PODXL2: variants seen among roughly 807,000 people sequenced by gnomAD.
PODXL2 encodes the protein podocalyxin like 2.
In PODXL2, 17 loss-of-function variants were observed where a neutral mutation model predicts 53.4. That is an observed-to-expected ratio of 0.32 (90% CI 0.22 to 0.48). The LOEUF (loss-of-function observed/expected upper bound fraction) is 0.48, where lower values mean the gene tolerates loss of function less well. Ranked by LOEUF, PODXL2 falls within the 20% of genes least tolerant of loss-of-function variation. PODXL2 has a pLI of 0.99. For missense variants in PODXL2, 673 were observed against 760.0 expected, an observed-to-expected ratio of 0.89 and a Z score of 1.35; for synonymous variants, 311 against 306.7, an observed-to-expected ratio of 1.01 and a Z score of -0.15.
chr3:127,632,258 C>T lies in PODXL2; in HGVS notation c.70+2969C>T, dbSNP rs868648751. On this transcript the variant is annotated intron_variant, in intron 1 of 7. Transcript: ENST00000342480. ...CCGAGGAGCCAGAGTAGGGTGTAGA[C>T]GGCAGCAGCCTCCCCGCCTGCCATG... Among the ~76,000 whole-genome samples the T allele has an allele frequency of 3.3e-5, 5 of 152,112 alleles. No homozygotes were observed. In the East Asian group the frequency reaches 5.8e-4, roughly 18 times the overall value.
Position 127,672,553 on chromosome 3 carries a change from C to G in PODXL2, c.*73C>G. On this transcript the variant is annotated 3_prime_UTR_variant, in exon 8 of 8. Transcript: ENST00000342480. ...GGACCCCGAAACGGACGGCCCGGAGCCCGCACCAGCCCCGCGCCTACCCGG... is the reference window on the plus strand; with the variant it reads ...GGACCCCGAAACGGACGGCCCGGAGGCCGCACCAGCCCCGCGCCTACCCGG... The G allele has an allele frequency of 2.0e-6, 2 of 992,536 alleles. No homozygotes were observed. Among genetic ancestry groups the G allele is most frequent in the Non-Finnish European group, 2.8e-6 (2 of 719,696 alleles). The allele number at this position is 992,536 out of a possible 1,614,324, so 61.5% of individuals were successfully genotyped here.
intron 2 of PODXL2, among the ~76,000 whole-genome samples, chr3:127,644,634 G>A (rs1236792631): frequency 2.0e-5 from 3 of 152,106 alleles, no homozygotes; most frequent in Admixed American, 6.5e-5. Flanking sequence ...TTCAGTTCAT[G>A]TCTCTTCCTC....
At chr3:127,667,952 G>A (rs568871509) in intron 4 of PODXL2, among the ~76,000 whole-genome samples, 2 of 152,282 alleles carry the variant, frequency 1.3e-5, no homozygotes, top group East Asian at 3.9e-4. Context: ...GTTACATGGT[G>A]CACACCTCTT....
At position 127,660,939 on chromosome 3, in the gene PODXL2, C is replaced by A; in HGVS notation, c.911C>A (p.Pro304Gln). ...AGLSGQHEEVPALPSFPQTTA... is the reference protein window; with the variant it reads ...AGLSGQHEEVQALPSFPQTTA... ...TTGTCTGGCCAGCACGAGGAGGTGC[C>A]GGCCTTGCCTTCATTCCCTCAAACC... The change falls in exon 3 of 8, where the codon CCG (proline) becomes CAG (glutamine). Residue 304 changes from proline to glutamine, a missense_variant. Coordinates refer to ENST00000342480, the MANE Select transcript of PODXL2 (RefSeq NM_015720.4). 6.2e-7 allele frequency: 1 copy of A among 1,614,222 alleles called. No individual in the cohort carries two copies. The highest frequency in any genetic ancestry group is 1.3e-5 in the African/African-American group (1 of 75,060).
chr3:127,652,348 CA>C (rs1203243372), intron 2 of PODXL2, among the ~76,000 whole-genome samples: 8 of 152,194 alleles, frequency 5.3e-5, no homozygotes, highest in East Asian at 3.9e-4. Flanking sequence ...TTAGAGCCAC[CA>C]GGGGGGGCTG....
At chr3:127,649,230 T>G (rs951918533) in intron 2 of PODXL2, among the ~76,000 whole-genome samples, 2 of 152,230 alleles carry the variant, frequency 1.3e-5, no homozygotes, top group African/African-American at 4.8e-5. Flanking sequence ...CACACACAGC[T>G]CTGCAGCCTG....
chr3:127,644,486 A>G (rs1269194848), intron 2 of PODXL2, among the ~76,000 whole-genome samples: 1 of 152,112 alleles, frequency 6.6e-6, no homozygotes. Flanking sequence ...TGTTGAGACT[A>G]TTGAGCGTCT....
At chr3:127,632,368 T>C (rs1355237529) in intron 1 of PODXL2, among the ~76,000 whole-genome samples, 1 of 152,132 alleles carries the variant, frequency 6.6e-6, no homozygotes, top group Non-Finnish European at 1.5e-5. Context: ...AATCCTTCAG[T>C]GGTTTTGTAG....
intron 6 of PODXL2, among the ~76,000 whole-genome samples, chr3:127,670,869 C>T (rs918977227): frequency 1.3e-5 from 2 of 152,212 alleles, no homozygotes; most frequent in Non-Finnish European, 2.9e-5. Flanking sequence ...ATGCAGGCAG[C>T]TACATGCCAG....
Position 127,639,468 on chromosome 3 carries a change from C to A in PODXL2, c.294C>A (p.Phe98Leu), listed in dbSNP as rs1347801093. The change falls in exon 2 of 8, where the codon TTC becomes TTA. Residue 98 changes from phenylalanine to leucine, a missense_variant. By Grantham distance (22) the Phe-to-Leu change is conservative. This residue lies in a region of PODXL2 where 588 missense variants were observed against 668.3 expected (regional missense o/e 0.88). Transcript: ENST00000342480. ...GGATTCTGCAGCCACCACAGTACTT[C>A]TGGGAAGAGGAGGAAGAGCTGAATG... is the stretch of plus-strand genomic sequence containing the variant. ...ESRILQPPQY[F>L]WEEEEELNDS... The A allele has an allele frequency of 6.2e-7, 1 of 1,614,132 alleles. No individual in the cohort carries two copies. The highest frequency in any genetic ancestry group is 8.5e-7 in the Non-Finnish European group (1 of 1,180,038).
intron 6 of PODXL2, among the ~76,000 whole-genome samples, chr3:127,671,043 T>G (rs918903808): frequency 1.3e-5 from 2 of 151,990 alleles, no homozygotes; most frequent in African/African-American, 4.8e-5. Context: ...GGAGGATGTG[T>G]GGGGGGCTCA....
At chr3:127,670,063 G>A (rs991591741) in intron 6 of PODXL2, among the ~76,000 whole-genome samples, 3 of 152,226 alleles carry the variant, frequency 2.0e-5, no homozygotes, top group African/African-American at 7.2e-5. Flanking sequence ...TGCCAGGGGA[G>A]CAGAGGCCCT....
At chr3:127,649,811 C>T (rs990166521) in intron 2 of PODXL2, among the ~76,000 whole-genome samples, 1 of 152,136 alleles carries the variant, frequency 6.6e-6, no homozygotes, top group Non-Finnish European at 1.5e-5. Context: ...GTGGTGGGTG[C>T]CTGTAATCCC....
chr3:127,666,007 G>A (rs1032562608), intron 4 of PODXL2: 2 of 442,922 alleles, frequency 4.5e-6, no homozygotes, highest in Admixed American at 2.5e-5. Context: ...GAAGAACTGA[G>A]CAATATGGAT....
At chr3:127,630,580 G>A (rs1399710111) in intron 1 of PODXL2, among the ~76,000 whole-genome samples, 1 of 152,174 alleles carries the variant, frequency 6.6e-6, no homozygotes, top group Non-Finnish European at 1.5e-5. Flanking sequence ...TGCCTGAGGT[G>A]GGCCATGAAC....
intron 6 of PODXL2, among the ~76,000 whole-genome samples, chr3:127,671,049 GC>G (rs1281077190): frequency 6.6e-6 from 1 of 152,176 alleles, no homozygotes; most frequent in African/African-American, 2.4e-5. Context: ...TGTGTGGGGG[GC>G]TCACATCTCC....
chr3:127,636,969 C>T (rs1382984904), intron 1 of PODXL2, among the ~76,000 whole-genome samples: 6 of 152,138 alleles, frequency 3.9e-5, no homozygotes, highest in South Asian at 2.1e-4. Context: ...AGACTACATG[C>T]GTGTGCCACC....
Position 127,629,489 on chromosome 3 carries a change from C to T in PODXL2, c.70+200C>T, listed in dbSNP as rs1295486541. Among the ~76,000 whole-genome samples the T allele has an allele frequency of 6.7e-6, 1 of 150,358 alleles. No homozygotes were observed. The highest frequency in any genetic ancestry group is 1.5e-5 in the Non-Finnish European group (1 of 67,362). On this transcript the variant is annotated intron_variant, in intron 1 of 7. Transcript: ENST00000342480. The surrounding 1 kb of genome is among the most constrained non-coding windows in gnomAD (Gnocchi z 6.4). ...GGGCCGCGGCGGGCGCCTGGCGTGC[C>T]GGGCGACCCCCGACAAAGGCGCGGC...
intron 4 of PODXL2, among the ~76,000 whole-genome samples, chr3:127,664,764 C>T (rs891683073): frequency 4.6e-5 from 7 of 151,628 alleles, no homozygotes; most frequent in African/African-American, 1.2e-4. Context: ...TGACAAAACC[C>T]GCAATTACCT....
Sources: allele counts gnomAD v4.1 joint callset (sites outside exome capture counted in the v4.1 genomes callset), GRCh38; gene constraint gnomAD v4.1.1; regional missense constraint gnomAD v4.1.1; non-coding constraint Gnocchi (gnomAD v3.1); transcripts MANE v1.5; gene names NCBI Gene and HGNC (gene_info 2026-07-23, HGNC 2026-07-21).